The following UBR3 variants were observed in gnomAD, a reference collection of about 807,000 sequenced individuals.
The protein encoded by UBR3 is ubiquitin protein ligase E3 component n-recognin 3.
In UBR3, 85 loss-of-function variants were observed where a neutral mutation model predicts 243.2. The ratio of observed to expected loss-of-function variants is 0.35; its 90% CI spans 0.29 to 0.42. The LOEUF (loss-of-function observed/expected upper bound fraction) is 0.42. UBR3 is among the 10% of genes least tolerant of loss of function. The probability of loss-of-function intolerance (pLI) is 1.00; values close to 1 mark genes in which losing one functional copy is unlikely to be tolerated. For missense variants in UBR3, 1,686 were observed against 2,300.8 expected (o/e 0.73, Z 5.47); for synonymous variants, 748 against 799.8 (o/e 0.94, Z 1.09).
At chr2:169,844,344 T>C (rs1360111043) in intron 1 of UBR3, among the ~76,000 whole-genome samples, 1 of 152,164 alleles carries the variant, frequency 6.6e-6, no homozygotes, top group Non-Finnish European at 1.5e-5. Flanking sequence ...TTCAGTACTT[T>C]TTTTTCTTTA....
intron 24 of UBR3, chr2:169,964,351 A>G (rs1441971758): frequency 2.2e-6 from 1 of 459,886 alleles, no homozygotes; most frequent in Non-Finnish European, 4.5e-6. Context: ...CTTAATTAAT[A>G]CTTTAAGAAA....
chr2:170,006,252 G>T (rs184828759), intron 27 of UBR3, among the ~76,000 whole-genome samples: 5 of 152,158 alleles, frequency 3.3e-5, no homozygotes, highest in Admixed American at 6.5e-5. Context: ...CTTTTAAATC[G>T]TGAGTACCTT....
chr2:169,989,340 C>G (rs1480160875), intron 25 of UBR3, among the ~76,000 whole-genome samples: 4 of 152,014 alleles, frequency 2.6e-5, no homozygotes, highest in Non-Finnish European at 5.9e-5. Context: ...CCTTTGTGGT[C>G]TTTTAATTAA....
chr2:170,054,425 G>T (rs1271817196), intron 32 of UBR3, among the ~76,000 whole-genome samples: 1 of 152,052 alleles, frequency 6.6e-6, no homozygotes, highest in Non-Finnish European at 1.5e-5. Context: ...GATATTACAG[G>T]CACCCGCCAC....
chr2:169,838,673 C>G (rs1178221557), intron 1 of UBR3, among the ~76,000 whole-genome samples: 3 of 152,108 alleles, frequency 2.0e-5, no homozygotes, highest in African/African-American at 7.2e-5. Context: ...CCCTCGCCCC[C>G]AAAAAGTTTA....
At position 169,827,531 on chromosome 2, in the gene UBR3, C is replaced by T. The variant is rs1365100669; in HGVS notation, c.24C>T (p.Ala8=). 19 of 1,230,176 alleles carry T rather than the reference C, an allele frequency of 1.5e-5. No individual in the cohort carries two copies. In the Admixed American group the frequency reaches 8.1e-4, roughly 53 times the overall value. The allele number at this position is 1,230,176 out of a possible 1,614,324, so 76.2% of individuals were successfully genotyped here. Residue 8 remains alanine (A), a synonymous_variant, in exon 1 of 39, where the codon GCC becomes GCT. Transcript: ENST00000272793. The part of the protein sequence containing the change: MAAAAAA[A]VGGQQPSQPE... Reference sequence around the variant, plus strand: ...TCATGGCGGCGGCGGCCGCGGCGGCCGTCGGGGGCCAGCAGCCGTCACAGC... The same window carrying T: ...TCATGGCGGCGGCGGCCGCGGCGGCTGTCGGGGGCCAGCAGCCGTCACAGC...
chr2:169,919,379 T>G (rs900941404), intron 11 of UBR3, among the ~76,000 whole-genome samples: 3 of 152,140 alleles, frequency 2.0e-5, no homozygotes, highest in African/African-American at 7.2e-5. Flanking sequence ...AAAAAATAAT[T>G]TAAAGCAGCC....
At chr2:170,050,984 A>T (rs1559218678) in intron 32 of UBR3, among the ~76,000 whole-genome samples, 1 of 152,176 alleles carries the variant, frequency 6.6e-6, no homozygotes, top group Non-Finnish European at 1.5e-5. Context: ...TTTGCATATA[A>T]CCTACACATA....
At chr2:169,998,332 GA>G (rs1490702562) in intron 26 of UBR3, among the ~76,000 whole-genome samples, 1 of 151,948 alleles carries the variant, frequency 6.6e-6, no homozygotes, top group Non-Finnish European at 1.5e-5. Context: ...TTCATTTCTA[GA>G]AAAAAAATCT....
intron 24 of UBR3, among the ~76,000 whole-genome samples, chr2:169,962,658 A>G (rs1194679944): frequency 6.6e-6 from 1 of 152,150 alleles, no homozygotes; most frequent in East Asian, 1.9e-4. Flanking sequence ...TTTGTTTTAC[A>G]TACATAGAGA....
At chr2:169,970,237 T>G (rs2088051341) in intron 24 of UBR3, among the ~76,000 whole-genome samples, 2 of 82,994 alleles carry the variant, frequency 2.4e-5, no homozygotes, top group South Asian at 5.1e-4. Flanking sequence ...GTTCCTAGGT[T>G]TTTTTTTTTT....
chr2:169,914,283 G>A (rs1287659649), intron 11 of UBR3, 137 bp downstream of exon 11: 1 of 411,130 alleles, frequency 2.4e-6, no homozygotes, highest in Non-Finnish European at 4.1e-6. Context: ...CATATTATTA[G>A]GCTTTGAAAA....
At chr2:170,010,487 TCAAA>T (rs1444086248) in intron 29 of UBR3, among the ~76,000 whole-genome samples, 2 of 152,204 alleles carry the variant, frequency 1.3e-5, no homozygotes. Context: ...GTATGATAAA[TCAAA>T]CAATTTGATT....
At chr2:169,869,899 T>C (rs1023216980) in intron 1 of UBR3, among the ~76,000 whole-genome samples, 4 of 152,200 alleles carry the variant, frequency 2.6e-5, no homozygotes, top group Non-Finnish European at 5.9e-5. Flanking sequence ...TTTGTAATCA[T>C]AGCTATTAAT....
rs566343426 is a variant in UBR3 at position 169,841,797 on chromosome 2, G to A, written c.545+13745G>A. On this transcript the variant is annotated intron_variant, in intron 1 of 38. Coordinates refer to ENST00000272793, the MANE Select transcript of UBR3 (RefSeq NM_172070.4). ...GGGCAGGGCTCGGGACCTGCAGCCC[G>A]CCATGCCTAAGCCTCCCACCCACTC... Among the ~76,000 whole-genome samples the A allele has an allele frequency of 6.0e-4, 91 of 152,360 alleles. 1 individual carries two copies. In the South Asian group the frequency reaches 0.018, roughly 30 times the overall value.
chr2:170,055,081 G>A (rs2091303269), intron 32 of UBR3, among the ~76,000 whole-genome samples: 1 of 152,130 alleles, frequency 6.6e-6, no homozygotes, highest in Admixed American at 6.5e-5. Context: ...AGGATTGCTT[G>A]AGCCCAAGGA....
chr2:170,031,455 A>T (rs1218608109), intron 31 of UBR3, among the ~76,000 whole-genome samples: 1 of 152,040 alleles, frequency 6.6e-6, no homozygotes, highest in East Asian at 1.9e-4. Context: ...CCTAGTTAAA[A>T]AGCATTCATC....
intron 32 of UBR3, 151 bp downstream of exon 32, chr2:170,041,136 A>G (rs2105431986): frequency 1.6e-6 from 1 of 633,270 alleles, no homozygotes; most frequent in South Asian, 2.4e-5. Context: ...TGAGCACAGG[A>G]GCTCGAGACC....
At chr2:169,856,394 G>C (rs1393126854) in intron 1 of UBR3, among the ~76,000 whole-genome samples, 1 of 151,106 alleles carries the variant, frequency 6.6e-6, no homozygotes, top group Non-Finnish European at 1.5e-5. Flanking sequence ...GACGATGGGC[G>C]GCTGCGCAGA....
Sources: allele counts gnomAD v4.1 joint callset (sites outside exome capture counted in the v4.1 genomes callset), GRCh38; gene constraint gnomAD v4.1.1; transcripts MANE v1.5; gene names NCBI Gene and HGNC (gene_info 2026-07-23, HGNC 2026-07-21).